The following SPOCK1 variants were observed in gnomAD, a reference collection of about 807,000 sequenced individuals.
SPOCK1 encodes SPARC (osteonectin), cwcv and kazal like domains proteoglycan 1, also known as testican-1.
Under a neutral mutation model 55.3 loss-of-function variants are expected in SPOCK1, and 23 were observed. The observed-to-expected ratio is 0.42, with a 90% CI of 0.30 to 0.59. The LOEUF (loss-of-function observed/expected upper bound fraction) is 0.59. Ranked by LOEUF, SPOCK1 falls within the 20% of genes least tolerant of loss-of-function variation. SPOCK1 has a pLI of 0.22. For synonymous variants in SPOCK1, 226 were observed against 221.0 expected (o/e 1.02, Z -0.20); for missense variants, 499 against 552.5 (o/e 0.90, Z 0.97).
chr5:137,204,099 T>C (rs1561470725), intron 3 of SPOCK1, among the ~76,000 whole-genome samples: 1 of 152,220 alleles, frequency 6.6e-6, no homozygotes, highest in East Asian at 1.9e-4. Flanking sequence ...CAACCAGCTC[T>C]AGCCTTGTTT....
intron 2 of SPOCK1, among the ~76,000 whole-genome samples, chr5:137,483,070 C>G (rs771880205): frequency 6.6e-6 from 1 of 152,216 alleles, no homozygotes; most frequent in Non-Finnish European, 1.5e-5. Flanking sequence ...TGGTGGCTCA[C>G]GCCTGTAATC....
intron 3 of SPOCK1, among the ~76,000 whole-genome samples, chr5:137,193,639 A>T (rs1368969841): frequency 6.6e-6 from 1 of 152,184 alleles, no homozygotes; most frequent in Non-Finnish European, 1.5e-5. Flanking sequence ...CTAATTAAAG[A>T]AGGGATGGAA....
At chr5:137,000,303 G>A (rs1463258644) in intron 6 of SPOCK1, among the ~76,000 whole-genome samples, 2 of 152,164 alleles carry the variant, frequency 1.3e-5, no homozygotes, top group Non-Finnish European at 2.9e-5. Context: ...AGAAGGTCCA[G>A]CTGAGCCTTC....
intron 2 of SPOCK1, among the ~76,000 whole-genome samples, chr5:137,288,348 A>G (rs896250085): frequency 7.2e-5 from 11 of 152,192 alleles, no homozygotes; most frequent in African/African-American, 1.4e-4. Context: ...GACATACCCA[A>G]TCCTAACTCT....
At chr5:137,291,577 G>A (rs1055521403) in intron 2 of SPOCK1, among the ~76,000 whole-genome samples, 2 of 152,190 alleles carry the variant, frequency 1.3e-5, no homozygotes, top group African/African-American at 4.8e-5. Flanking sequence ...ACACCTATAA[G>A]ACTGCTTTAT....
chr5:137,143,021 C>G (rs927239906), intron 3 of SPOCK1, among the ~76,000 whole-genome samples: 1 of 152,214 alleles, frequency 6.6e-6, no homozygotes, highest in Non-Finnish European at 1.5e-5. Flanking sequence ...GCTGCTTGAA[C>G]AGCTTAGCAG....
intron 3 of SPOCK1, among the ~76,000 whole-genome samples, chr5:137,221,996 A>G (rs1476968462): frequency 6.6e-6 from 1 of 152,208 alleles, no homozygotes; most frequent in Admixed American, 6.5e-5. Flanking sequence ...TCTTCCTGGT[A>G]TCTGGCTTCT....
chr5:137,178,845 C>A (rs149086903), intron 3 of SPOCK1, among the ~76,000 whole-genome samples: 5 of 152,188 alleles, frequency 3.3e-5, no homozygotes, highest in African/African-American at 1.2e-4. Flanking sequence ...TCTTTTCTAC[C>A]GTGTAAACCA....
chr5:137,228,162 G>A (rs1755981768), intron 3 of SPOCK1, among the ~76,000 whole-genome samples: 1 of 152,208 alleles, frequency 6.6e-6, no homozygotes, highest in Admixed American at 6.5e-5. Flanking sequence ...TACATGGCTG[G>A]TACAACTGCA....
At chr5:137,240,489 C>T (rs536090483) in intron 3 of SPOCK1, among the ~76,000 whole-genome samples, 1 of 152,250 alleles carries the variant, frequency 6.6e-6, no homozygotes, top group African/African-American at 2.4e-5. Context: ...ATGGGCTAAG[C>T]CATTCATGAG....
intron 3 of SPOCK1, among the ~76,000 whole-genome samples, chr5:137,255,081 T>C (rs1012443802): frequency 5.9e-5 from 9 of 152,176 alleles, no homozygotes; most frequent in African/African-American, 2.2e-4. Flanking sequence ...TCTGAATTAT[T>C]GAGTTAACTT....
At chr5:136,986,058 C>T (rs1392823031) in intron 8 of SPOCK1, among the ~76,000 whole-genome samples, 1 of 152,164 alleles carries the variant, frequency 6.6e-6, no homozygotes, top group Non-Finnish European at 1.5e-5. Context: ...CAACTCTTAC[C>T]CTGTAGACTG....
chr5:137,386,752 T>C (rs1751606439), intron 2 of SPOCK1, among the ~76,000 whole-genome samples: 1 of 152,130 alleles, frequency 6.6e-6, no homozygotes, highest in Non-Finnish European at 1.5e-5. Flanking sequence ...GGTTTGATGG[T>C]GACTTTTTAG....
At chr5:137,111,976 G>T (rs1354435016) in intron 5 of SPOCK1, among the ~76,000 whole-genome samples, 1 of 152,130 alleles carries the variant, frequency 6.6e-6, no homozygotes, top group Non-Finnish European at 1.5e-5. Flanking sequence ...TTTGGGGCCT[G>T]TGCAGGGCCA....
intron 2 of SPOCK1, among the ~76,000 whole-genome samples, chr5:137,356,877 T>A (rs1450812092): frequency 6.0e-4 from 19 of 31,828 alleles, no homozygotes; most frequent in Non-Finnish European, 9.1e-4. Flanking sequence ...AGAGAGAGAG[T>A]ATGCAGACCA....
At chr5:137,211,006 C>T (rs977484721) in intron 3 of SPOCK1, among the ~76,000 whole-genome samples, 1 of 152,210 alleles carries the variant, frequency 6.6e-6, no homozygotes, top group African/African-American at 2.4e-5. Context: ...GCAGCCAACA[C>T]ACCAGCAGCA....
At chr5:137,396,156 A>G (rs1323986210) in intron 2 of SPOCK1, among the ~76,000 whole-genome samples, 1 of 152,106 alleles carries the variant, frequency 6.6e-6, no homozygotes, top group Non-Finnish European at 1.5e-5. Context: ...TCCTCACTGA[A>G]ATTCAGCCAG....
intron 2 of SPOCK1, among the ~76,000 whole-genome samples, chr5:137,389,192 A>C (rs997756451): frequency 1.3e-5 from 2 of 152,186 alleles, no homozygotes; most frequent in Admixed American, 1.3e-4. Flanking sequence ...AATTCCTCAC[A>C]AGCTCTGGTG....
chr5:137,446,053 C>T (rs1233554692), intron 2 of SPOCK1, among the ~76,000 whole-genome samples: 1 of 152,120 alleles, frequency 6.6e-6, no homozygotes, highest in East Asian at 1.9e-4. Flanking sequence ...AATTAAAGCT[C>T]TCAGAAATCC....
Sources: allele counts gnomAD v4.1 joint callset (sites outside exome capture counted in the v4.1 genomes callset), GRCh38; gene constraint gnomAD v4.1.1; transcripts MANE v1.5; gene names NCBI Gene and HGNC (gene_info 2026-07-23, HGNC 2026-07-21).